The following CES4A variants were observed in gnomAD, a reference collection of about 807,000 sequenced individuals.
The protein encoded by CES4A is carboxylesterase 4A, also known as carboxylesterase 6.
CES4A carries 48 observed loss-of-function variants against 65.4 expected under a neutral mutation model. The ratio of observed to expected loss-of-function variants is 0.73; its 90% CI spans 0.58 to 0.93. The LOEUF (loss-of-function observed/expected upper bound fraction) is 0.93, where lower values mean the gene tolerates loss of function less well. CES4A is among the 40% of genes least tolerant of loss of function. The pLI is 0.00. For missense variants in CES4A, 685 were observed against 728.5 expected, an observed-to-expected ratio of 0.94 and a Z score of 0.69; for synonymous variants, 247 against 281.8, an observed-to-expected ratio of 0.88 and a Z score of 1.24.
Position 66,995,266 on chromosome 16 carries a change from C to T in CES4A, c.59-362C>T, listed in dbSNP as rs1015176822. On this transcript the variant is annotated intron_variant, in intron 1 of 13. Transcript: ENST00000648724. ...CGGAGCTTGCAGTGAGCCGAGATTG[C>T]GCCACTGCACTCCAGCCTGGGCGAC... Among the ~76,000 whole-genome samples the T allele has an allele frequency of 8.7e-5, 13 of 148,652 alleles. No homozygotes were observed. The South Asian group carries it at 2.2e-3, about 25-fold the overall frequency.
chr16:66,988,856 G>A (rs1298248638), intron 1 of CES4A, 26 bp downstream of exon 1: 3 of 1,551,714 alleles, frequency 1.9e-6, no homozygotes, highest in Non-Finnish European at 2.6e-6. Flanking sequence ...CTTCCCGAGA[G>A]TGTCAGGCAA....
chr16:67,009,302 C>T, exon 14 of CES4A: 1 of 670,856 alleles, frequency 1.5e-6, no homozygotes, highest in East Asian at 2.7e-5. Context: ...GAGCTTTTGC[C>T]TGTTGTGTGG....
chr16:67,007,865 A>C (rs1357997893), intron 13 of CES4A: 1 of 151,912 alleles, frequency 6.6e-6, no homozygotes, highest in Non-Finnish European at 1.5e-5. Flanking sequence ...GCTCACTGCA[A>C]GCTCTGCTTC....
intron 12 of CES4A, 94 bp downstream of exon 12, chr16:67,006,613 A>C (rs1267793354): frequency 6.4e-7 from 1 of 1,551,496 alleles, no homozygotes; most frequent in Non-Finnish European, 8.8e-7. Context: ...CAGGGAGCTC[A>C]CCAGTTCCTA....
At chr16:67,006,703 C>A in intron 12 of CES4A, 42 bp from the exon 13 acceptor site, 1 of 1,595,592 alleles carries the variant, frequency 6.3e-7, no homozygotes. Flanking sequence ...AGGTCAGTGT[C>A]CCCTGCTCTG....
chr16:66,988,832 T>C lies in CES4A; in HGVS notation c.58+2T>C. On this transcript the variant is annotated splice_donor_variant, in intron 1 of 13. Coordinates refer to ENST00000648724, the Ensembl canonical transcript of CES4A. LOFTEE classifies it high-confidence loss of function. The stretch of plus-strand genomic sequence containing the variant: ...GCCTGATGGCGCAGACGGCCTTGGG[T>C]AAGACCCCCACCCCTTCCCGAGAGT... 1.3e-6 allele frequency: 2 copies of C among 1,563,782 alleles called. No homozygotes were observed. The highest frequency in any genetic ancestry group is 1.7e-6 in the Non-Finnish European group (2 of 1,153,306).
intron 13 of CES4A, 96 bp downstream of exon 13, chr16:67,006,913 C>A: frequency 8.3e-7 from 1 of 1,204,190 alleles, no homozygotes; most frequent in Non-Finnish European, 1.2e-6. Flanking sequence ...GCATGTCCTA[C>A]AGGAACTGCC....
chr16:66,995,855 G>A (rs2145597782), intron 2 of CES4A, 26 bp downstream of exon 2: 1 of 1,602,920 alleles, frequency 6.2e-7, no homozygotes, highest in African/African-American at 1.3e-5. Flanking sequence ...CTGTCCACTG[G>A]GAGGGGGCAA....
chr16:66,989,842 C>T (rs1347759748), intron 1 of CES4A, among the ~76,000 whole-genome samples: 6 of 150,784 alleles, frequency 4.0e-5, no homozygotes, highest in Admixed American at 6.6e-5. Context: ...GCAACAAGAG[C>T]GAAACTCTAT....
At position 67,003,105 on chromosome 16, in the gene CES4A, G is replaced by A. The variant is rs764754166; in HGVS notation, c.726G>A (p.Arg242=). 2.5e-6 allele frequency: 4 copies of A among 1,614,018 alleles called. No homozygotes were observed. In the Admixed American group the frequency reaches 5.0e-5, roughly 20 times the overall value. Reference sequence around the variant, plus strand: ...CCCTAGCCTCGGGTCTCTTCCATCGGGCCATTTCCCAGAGTGGCACCGCGT... The same window carrying A: ...CCCTAGCCTCGGGTCTCTTCCATCGAGCCATTTCCCAGAGTGGCACCGCGT... Residue 242 remains arginine (R), a synonymous_variant, in exon 6 of 14, where the codon CGG becomes CGA. Transcript: ENST00000648724. The surrounding 1 kb of genome is among the most constrained non-coding windows in gnomAD (Gnocchi z 4.2).
chr16:67,006,380 C>G lies in CES4A; in HGVS notation c.1316-11C>G. 6.5e-7 allele frequency: 1 copy of G among 1,536,516 alleles called. No homozygotes were observed. The highest frequency in any genetic ancestry group is 8.7e-7 in the Non-Finnish European group (1 of 1,147,008). ...TTTTCCTGCATCCCTCCTCAGTTTCCCTATTCACAGATGCCGGCCTCCCTG... is the reference window on the plus strand; with the variant it reads ...TTTTCCTGCATCCCTCCTCAGTTTCGCTATTCACAGATGCCGGCCTCCCTG... On this transcript the variant is annotated splice_polypyrimidine_tract_variant and intron_variant, in intron 11 of 13. Transcript: ENST00000648724.
In CES4A at chr16:67,001,685, T is replaced by G. The variant is rs1204623547; in HGVS notation, c.690+224T>G. Among the ~76,000 whole-genome samples the G allele has an allele frequency of 6.6e-6, 1 of 152,248 alleles. No individual in the cohort carries two copies. ...AACTGAGCCCCAGGAAGGGTAGTGC[T>G]GAGGCTTGGGGTAATCAGTGAATCC... On this transcript the variant is annotated intron_variant, in intron 5 of 13. Coordinates refer to ENST00000648724, the Ensembl canonical transcript of CES4A. The surrounding 1 kb of genome is among the most constrained non-coding windows in gnomAD (Gnocchi z 4.1).
chr16:67,005,191 T>C (rs757214669), intron 10 of CES4A, 49 bp from the exon 11 acceptor site: 2 of 1,598,270 alleles, frequency 1.3e-6, no homozygotes, highest in Non-Finnish European at 1.7e-6. Context: ...GGCCCACCTC[T>C]GGCCCAGCTG....
intron 1 of CES4A, among the ~76,000 whole-genome samples, chr16:66,989,961 A>G (rs1232467886): frequency 4.6e-5 from 7 of 151,554 alleles, no homozygotes; most frequent in Admixed American, 3.3e-4. Flanking sequence ...TTTTGCCCAT[A>G]TATACATATA....
At chr16:67,002,770 T>C (rs1965456140) in intron 5 of CES4A, among the ~76,000 whole-genome samples, 2 of 152,064 alleles carry the variant, frequency 1.3e-5, no homozygotes, top group South Asian at 4.1e-4. Flanking sequence ...TGAGGTCCCT[T>C]CCACCTACCC....
At chr16:66,998,564 C>T (rs1597072815) in intron 2 of CES4A, among the ~76,000 whole-genome samples, 1 of 152,068 alleles carries the variant, frequency 6.6e-6, no homozygotes, top group Admixed American at 6.6e-5. Context: ...CCTGGGTGAC[C>T]CTGTCTCTAA....
chr16:67,004,724 G>T, intron 9 of CES4A, 69 bp from the exon 10 acceptor site: 1 of 1,305,366 alleles, frequency 7.7e-7, no homozygotes, highest in South Asian at 1.3e-5. Flanking sequence ...TGGGGCCTTT[G>T]TAGCTCTGGC....
chr16:66,999,578 G>A (rs1965121634), intron 2 of CES4A, among the ~76,000 whole-genome samples: 1 of 152,208 alleles, frequency 6.6e-6, no homozygotes, highest in African/African-American at 2.4e-5. Context: ...GAGGTGGGCA[G>A]ATCACTTAAG....
At chr16:66,995,815 C>A in exon 2 of CES4A, 1 of 1,613,696 alleles carries the variant, frequency 6.2e-7, no homozygotes, top group Non-Finnish European at 8.5e-7. Context: ...GAGATGCTAC[C>A]ACCTACCCGC....
Sources: gnomAD v4.1 joint callset for allele counts (sites outside exome capture counted in the v4.1 genomes callset) on GRCh38, gnomAD v4.1.1 for gene constraint, Gnocchi (gnomAD v3.1) non-coding constraint, MANE v1.5 for transcripts, NCBI Gene and HGNC (gene_info 2026-07-23, HGNC 2026-07-21) for gene names.